Variants in ABCA6 observed in about 807,000 individuals in gnomAD.
ABCA6 encodes the protein ATP binding cassette subfamily A member 6.
In ABCA6, 164 loss-of-function variants were observed where a neutral mutation model predicts 191.2. The ratio of observed to expected loss-of-function variants is 0.86; its 90% CI spans 0.76 to 0.98. ABCA6 has a LOEUF of 0.98. ABCA6 is among the 50% of genes least tolerant of loss of function. ABCA6 has a pLI of 0.00. For synonymous variants in ABCA6, 636 were observed against 647.7 expected, an observed-to-expected ratio of 0.98 and a Z score of 0.27; for missense variants, 1,958 against 1,894.1, an observed-to-expected ratio of 1.03 and a Z score of -0.63.
chr17:69,131,543 A>T (rs1401328670), intron 6 of ABCA6, among the ~76,000 whole-genome samples: 2 of 148,684 alleles, frequency 1.3e-5, no homozygotes, highest in Non-Finnish European at 3.0e-5. Context: ...GGAAAGTCAG[A>T]TGTTAATAAG....
At chr17:69,106,842 C>G (rs2144660375) in intron 18 of ABCA6, among the ~76,000 whole-genome samples, 1 of 152,144 alleles carries the variant, frequency 6.6e-6, no homozygotes, top group South Asian at 2.1e-4. Flanking sequence ...TGTCCATATT[C>G]TATACTCAGT....
Position 69,113,317 on chromosome 17 carries a change from GA to G in ABCA6, c.1945del (p.Ser649ProfsTer9), listed in dbSNP as rs34123357. ...DEPTTGLDPF[S>X]RDQVWSLLRE... ...CAGGAGGCTCCACACTTGATCTCTG[GA>G]AAAGGGATCCAATCCAGTAGTTGGT... is the stretch of plus-strand genomic sequence containing the variant. On this transcript the variant is annotated frameshift_variant, in exon 15 of 39. Coordinates refer to ENST00000284425, the MANE Select transcript of ABCA6 (RefSeq NM_080284.3). LOFTEE classifies it high-confidence loss of function. The G allele has an allele frequency of 6.3e-7, 1 of 1,594,480 alleles. No homozygotes were observed. Among genetic ancestry groups the G allele is most frequent in the Admixed American group, 1.9e-5 (1 of 52,866 alleles).
In ABCA6 at chr17:69,085,191, AT is replaced by A. The variant is rs1372461382; in HGVS notation, c.4030-10del. The A allele has an allele frequency of 3.7e-6, 6 of 1,601,446 alleles. No homozygotes were observed. Among genetic ancestry groups the A allele is most frequent in the Non-Finnish European group, 5.1e-6 (6 of 1,174,078 alleles). On this transcript the variant is annotated splice_polypyrimidine_tract_variant and intron_variant, in intron 31 of 38. Coordinates refer to ENST00000284425, the MANE Select transcript of ABCA6 (RefSeq NM_080284.3). Reference sequence around the variant, plus strand: ...CAGCCTTTCAGTTCCACCTAAAAAAATAAAAGAGCTTTAGAAAGGCATGCAG... The same window carrying A: ...CAGCCTTTCAGTTCCACCTAAAAAAAAAAAGAGCTTTAGAAAGGCATGCAG...
chr17:69,130,504 A>G (rs1282769855), intron 6 of ABCA6, among the ~76,000 whole-genome samples: 2 of 152,184 alleles, frequency 1.3e-5, no homozygotes, highest in Non-Finnish European at 2.9e-5. Context: ...GTCTTTATCA[A>G]TCAACAATAT....
At chr17:69,099,045 A>C (rs979298468) in intron 22 of ABCA6, among the ~76,000 whole-genome samples, 3 of 152,116 alleles carry the variant, frequency 2.0e-5, no homozygotes, top group East Asian at 1.9e-4. Flanking sequence ...GAGCAAACCC[A>C]GAGATGGAAA....
At chr17:69,090,210 G>C (rs945175742) in intron 26 of ABCA6, among the ~76,000 whole-genome samples, 1 of 152,212 alleles carries the variant, frequency 6.6e-6, no homozygotes, top group African/African-American at 2.4e-5. Flanking sequence ...GGCTTTTCCA[G>C]TTCGCCAAGG....
chr17:69,096,727 G>A lies in ABCA6; in HGVS notation c.3195C>T (p.Asp1065=), dbSNP rs751973353. The A allele has an allele frequency of 8.8e-6, 14 of 1,586,926 alleles. No homozygotes were observed. The highest frequency in any genetic ancestry group is 6.9e-5 in the East Asian group (3 of 43,774). ...SAYWCGQALV[D]VSFFILILLL... ...GGAGAATTAAAATGAAGAAGCTGAC[G>A]TCCACTAGTGCCTGCCCACACCAGT... is the stretch of plus-strand genomic sequence containing the variant. The change falls in exon 24 of 39, where the codon GAC becomes GAT. Residue 1065 remains aspartate (D), a synonymous_variant. Transcript: ENST00000284425.
At chr17:69,128,562 A>G (rs936926160) in intron 8 of ABCA6, 57 bp downstream of exon 8, 19 of 1,392,120 alleles carry the variant, frequency 1.4e-5, no homozygotes, top group Admixed American at 2.0e-5. Flanking sequence ...CCTACAGCGT[A>G]TGAAGTATCT....
intron 35 of ABCA6, 95 bp downstream of exon 35, chr17:69,083,117 A>G: frequency 6.4e-7 from 1 of 1,571,374 alleles, no homozygotes; most frequent in Non-Finnish European, 8.6e-7. Context: ...CAAGGAAGCC[A>G]AACGGAAGGG....
chr17:69,087,047 T>C (rs1239789977), intron 29 of ABCA6, among the ~76,000 whole-genome samples: 1 of 152,182 alleles, frequency 6.6e-6, no homozygotes, highest in African/African-American at 2.4e-5. Flanking sequence ...CTTCGACAAA[T>C]CTAACTTAAA....
chr17:69,126,984 T>C lies in ABCA6; in HGVS notation c.1119+1635A>G, dbSNP rs545817364. Among the ~76,000 whole-genome samples, 36 of 152,256 alleles carry C rather than the reference T, an allele frequency of 2.4e-4. No individual in the cohort carries two copies. The South Asian group carries it at 2.5e-3, about 11-fold the overall frequency. On this transcript the variant is annotated intron_variant, in intron 8 of 38. Coordinates refer to ENST00000284425, the MANE Select transcript of ABCA6 (RefSeq NM_080284.3). ...AGACAATGAGGCCACAGTGCAAGGA[T>C]AGGCATTTTGGCCAATACATGATTG...
Position 69,088,211 on chromosome 17 carries a change from T to C in ABCA6, c.3654A>G (p.Glu1218=), listed in dbSNP as rs2072848144. 1 of 1,612,946 alleles carries C rather than the reference T, an allele frequency of 6.2e-7. No individual in the cohort carries two copies. The highest frequency in any genetic ancestry group is 8.5e-7 in the Non-Finnish European group (1 of 1,179,414). Residue 1218 remains glutamate (E), a synonymous_variant, in exon 28 of 39, where the codon GAA becomes GAG. Coordinates refer to ENST00000284425, the MANE Select transcript of ABCA6 (RefSeq NM_080284.3). The part of the protein sequence containing the change: ...LLFVFVLRCM[E]LKCGKKRMRK... ...GCATTCTTTTCTTTCCACATTTTAG[T>C]TCCATGCATCTTAGAACAAAAACGA... is the stretch of plus-strand genomic sequence containing the variant.
At chr17:69,111,575 T>C (rs1443985232) in intron 16 of ABCA6, 2 of 152,548 alleles carry the variant, frequency 1.3e-5, no homozygotes, top group African/African-American at 4.8e-5. Context: ...CATCTGTCCT[T>C]GCTGCCACCA....
chr17:69,136,974 T>C (rs1258281284), intron 3 of ABCA6, among the ~76,000 whole-genome samples: 1 of 152,178 alleles, frequency 6.6e-6, no homozygotes, highest in Non-Finnish European at 1.5e-5. Context: ...AATCATTGTA[T>C]GCCATGTTAA....
chr17:69,089,757 C>T (rs768026601), intron 26 of ABCA6, among the ~76,000 whole-genome samples: 1 of 152,198 alleles, frequency 6.6e-6, no homozygotes, highest in Non-Finnish European at 1.5e-5. Flanking sequence ...GTCTGTTCCT[C>T]TCTTCAATTC....
intron 19 of ABCA6, 193 bp from the exon 20 acceptor site, chr17:69,105,821 A>C (rs1296228753): frequency 1.3e-5 from 9 of 719,308 alleles, no homozygotes; most frequent in East Asian, 1.1e-4. Context: ...CCAGGTTATC[A>C]AACCATGAAA....
At chr17:69,131,086 C>A (rs1318527118) in intron 6 of ABCA6, among the ~76,000 whole-genome samples, 2 of 152,102 alleles carry the variant, frequency 1.3e-5, no homozygotes, top group African/African-American at 4.8e-5. Flanking sequence ...AAACTGCAAT[C>A]CCTATTATTT....
At position 69,097,999 on chromosome 17, in the gene ABCA6, G is replaced by C; in HGVS notation, c.3041C>G (p.Pro1014Arg). Residue 1014 changes from proline (P) to arginine (R), a missense_variant, in exon 23 of 39, where the codon CCG becomes CGG. By Grantham distance (103) the Pro-to-Arg change is moderately radical. Coordinates refer to ENST00000284425, the MANE Select transcript of ABCA6 (RefSeq NM_080284.3). ...LSHIGLWTGL[P>R]DGSFFLFLVL... ...CAAAAATAAGAAAAAGGAACCATCCGGCAACCCAGTCCAGAGTCCTATGTG... is the reference window on the plus strand; with the variant it reads ...CAAAAATAAGAAAAAGGAACCATCCCGCAACCCAGTCCAGAGTCCTATGTG... The C allele has an allele frequency of 6.2e-7, 1 of 1,611,436 alleles. No individual in the cohort carries two copies. The highest frequency in any genetic ancestry group is 8.5e-7 in the Non-Finnish European group (1 of 1,179,024).
intron 31 of ABCA6, 109 bp downstream of exon 31, chr17:69,085,516 A>AG (rs1267914609): frequency 2.8e-6 from 2 of 723,178 alleles, no homozygotes; most frequent in African/African-American, 5.1e-5. Flanking sequence ...ATTTATCCAA[A>AG]GGCAAAAAAA....
Sources: allele counts gnomAD v4.1 joint callset (sites outside exome capture counted in the v4.1 genomes callset), GRCh38; gene constraint gnomAD v4.1.1; transcripts MANE v1.5; gene names NCBI Gene and HGNC (gene_info 2026-07-23, HGNC 2026-07-21).